Variants in FGGY observed in about 807,000 individuals in gnomAD.
FGGY encodes the protein FGGY carbohydrate kinase domain containing.
FGGY carries 72 observed loss-of-function variants against 71.3 expected under a neutral mutation model. The ratio of observed to expected loss-of-function variants is 1.01; its 90% CI spans 0.84 to 1.23. The LOEUF (loss-of-function observed/expected upper bound fraction) is 1.23, where lower values mean the gene tolerates loss of function less well. Ranked by LOEUF, FGGY falls within the 50% of genes most tolerant of loss-of-function variation. FGGY has a pLI of 0.00. For synonymous variants in FGGY, 251 were observed against 250.3 expected, an observed-to-expected ratio of 1.00 and a Z score of -0.02; for missense variants, 668 against 682.3, an observed-to-expected ratio of 0.98 and a Z score of 0.23.
At chr1:59,508,870 T>C (rs1435736687) in intron 6 of FGGY, among the ~76,000 whole-genome samples, 1 of 152,146 alleles carries the variant, frequency 6.6e-6, no homozygotes, top group Admixed American at 6.6e-5. Context: ...TTTGGGGGGA[T>C]AAGGTGTTTA....
intron 14 of FGGY, among the ~76,000 whole-genome samples, chr1:59,677,698 A>G (rs2153984241): frequency 6.6e-6 from 1 of 152,314 alleles, no homozygotes; most frequent in South Asian, 2.1e-4. Flanking sequence ...GAATTTTATC[A>G]GGGGAAGGGA....
chr1:59,340,272 G>A (rs971652637), intron 3 of FGGY, among the ~76,000 whole-genome samples: 1 of 152,144 alleles, frequency 6.6e-6, no homozygotes, highest in Non-Finnish European at 1.5e-5. Flanking sequence ...GCTGGATTAG[G>A]GGGACTAGGC....
At chr1:59,698,701 G>A (rs1480535183) in intron 14 of FGGY, 27 of 948,986 alleles carry the variant, frequency 2.8e-5, no homozygotes, top group Non-Finnish European at 3.4e-5. Context: ...TGTCCCCAAA[G>A]GGATGAATCC....
chr1:59,738,973 C>T (rs2098126527), intron 14 of FGGY, among the ~76,000 whole-genome samples: 1 of 152,168 alleles, frequency 6.6e-6, no homozygotes. Context: ...CCTTTCCTGC[C>T]CAAACCACTG....
At chr1:59,741,314 C>A (rs984802411) in intron 14 of FGGY, among the ~76,000 whole-genome samples, 2 of 152,078 alleles carry the variant, frequency 1.3e-5, no homozygotes, top group African/African-American at 4.8e-5. Flanking sequence ...CACCATCCCC[C>A]CATTGGTACC....
chr1:59,636,745 A>G (rs1192341473), intron 10 of FGGY, among the ~76,000 whole-genome samples: 1 of 152,234 alleles, frequency 6.6e-6, no homozygotes. Flanking sequence ...AAGTACAGGA[A>G]ACTTTTGGCA....
At chr1:59,584,540 A>G (rs1177865935) in intron 8 of FGGY, among the ~76,000 whole-genome samples, 2 of 150,022 alleles carry the variant, frequency 1.3e-5, no homozygotes, top group Non-Finnish European at 2.9e-5. Context: ...AGACCTATCT[A>G]TGACAAACCC....
chr1:59,356,365 C>T (rs1435378803), intron 4 of FGGY, among the ~76,000 whole-genome samples: 4 of 152,154 alleles, frequency 2.6e-5, no homozygotes, highest in Admixed American at 2.6e-4. Flanking sequence ...TTCCTTCTGC[C>T]TGGCAAACTT....
chr1:59,537,529 G>A (rs187298724), intron 7 of FGGY, among the ~76,000 whole-genome samples: 7 of 152,178 alleles, frequency 4.6e-5, no homozygotes, highest in East Asian at 1.9e-4. Context: ...AAAAGAGCCC[G>A]CATCACCAAG....
At chr1:59,602,760 T>C (rs1334612602) in intron 8 of FGGY, among the ~76,000 whole-genome samples, 1 of 152,202 alleles carries the variant, frequency 6.6e-6, no homozygotes, top group Non-Finnish European at 1.5e-5. Context: ...TGCTCACTCT[T>C]TTCCCAGGCA....
rs767709448 is a variant in FGGY at position 59,457,015 on chromosome 1, C to T, written c.609C>T (p.Asp203=). The change falls in exon 6 of 16, where the codon GAC becomes GAT. Residue 203 remains aspartate (D), a synonymous_variant. Transcript: ENST00000303721. ...CATATTCAGCAGAGAAAGGCTGGGA[C>T]GACAGTTTCTGGAAAATGATTGGTT... ...KWTYSAEKGW[D]DSFWKMIGLE... The T allele has an allele frequency of 1.9e-5, 31 of 1,613,914 alleles. No individual in the cohort carries two copies. The highest frequency in any genetic ancestry group is 7.7e-5 in the South Asian group (7 of 91,084).
chr1:59,442,351 C>T (rs1241518198), intron 5 of FGGY, among the ~76,000 whole-genome samples: 4 of 152,206 alleles, frequency 2.6e-5, no homozygotes, highest in Admixed American at 2.0e-4. Flanking sequence ...ATTGTTTCTG[C>T]TGGTTTCTGC....
At chr1:59,477,678 A>AG (rs961780216) in intron 6 of FGGY, among the ~76,000 whole-genome samples, 3 of 152,270 alleles carry the variant, frequency 2.0e-5, no homozygotes, top group African/African-American at 4.8e-5. Flanking sequence ...ATCTATTATG[A>AG]GGGGGGAAAA....
intron 4 of FGGY, among the ~76,000 whole-genome samples, chr1:59,356,836 T>C (rs1292778409): frequency 1.3e-5 from 2 of 152,156 alleles, no homozygotes; most frequent in African/African-American, 4.8e-5. Flanking sequence ...ACAGCTTATT[T>C]TGTATGCAAA....
intron 7 of FGGY, among the ~76,000 whole-genome samples, chr1:59,544,419 G>A (rs28503849): frequency 0.031 from 4,765 of 152,194 alleles, 250 homozygotes; most frequent in African/African-American, 0.11. Context: ...GCTTTCCTTT[G>A]AGTACAGGGA....
intron 14 of FGGY, among the ~76,000 whole-genome samples, chr1:59,725,034 T>C (rs2097930404): frequency 6.6e-6 from 1 of 152,210 alleles, no homozygotes; most frequent in South Asian, 2.1e-4. Context: ...ACTTATCACC[T>C]AACCCAAGGT....
intron 7 of FGGY, among the ~76,000 whole-genome samples, chr1:59,524,554 G>A (rs537814857): frequency 8.6e-5 from 13 of 151,952 alleles, no homozygotes; most frequent in Admixed American, 2.6e-4. Context: ...TTCTGAGCCC[G>A]TAAAAATCCC....
intron 6 of FGGY, among the ~76,000 whole-genome samples, chr1:59,466,687 T>C (rs919548132): frequency 2.7e-4 from 41 of 152,136 alleles, no homozygotes; most frequent in Admixed American, 5.9e-4. Flanking sequence ...CATCAAAAAG[T>C]GGGCAACGGA....
chr1:59,371,860 T>C (rs1331895834), intron 4 of FGGY, among the ~76,000 whole-genome samples: 1 of 152,026 alleles, frequency 6.6e-6, no homozygotes, highest in African/African-American at 2.4e-5. Context: ...TTGAAACCAA[T>C]GAGAACACAG....
Sources: allele counts gnomAD v4.1 joint callset (sites outside exome capture counted in the v4.1 genomes callset), GRCh38; gene constraint gnomAD v4.1.1; transcripts MANE v1.5; gene names NCBI Gene and HGNC (gene_info 2026-07-23, HGNC 2026-07-21).